The following CCDC158 variants were observed in gnomAD, a reference collection of about 807,000 sequenced individuals.
The protein encoded by CCDC158 is coiled-coil domain containing 158.
CCDC158 carries 116 observed loss-of-function variants against 138.6 expected under a neutral mutation model. The ratio of observed to expected loss-of-function variants is 0.84; its 90% CI spans 0.72 to 0.98. CCDC158 has a LOEUF of 0.98. Among genes scored for constraint, CCDC158 ranks in the 50% least tolerant of loss-of-function variants. The pLI is 0.00. For missense variants in CCDC158, 1,265 were observed against 1,306.1 expected (o/e 0.97, Z 0.48); for synonymous variants, 436 against 442.4 (o/e 0.99, Z 0.18).
At position 76,352,903 on chromosome 4, in the gene CCDC158, A is replaced by G. The variant is rs1723186366; in HGVS notation, c.2445+220T>C. The G allele has an allele frequency of 1.2e-5, 5 of 411,224 alleles. No individual in the cohort carries two copies. The Admixed American group carries it at 2.2e-4, about 18-fold the overall frequency. 25.5% of individuals were successfully genotyped at this position (411,224 alleles called of 1,614,324 possible). ...CTGCTCCTGTGACTATGTTAGCCTG[A>G]AAAAGAAAATTTGGCAAAAAGTATG... On this transcript the variant is annotated intron_variant, in intron 16 of 24. Transcript: ENST00000682701.
chr4:76,314,886 C>A (rs959340487), intron 24 of CCDC158, among the ~76,000 whole-genome samples: 1 of 152,150 alleles, frequency 6.6e-6, no homozygotes, highest in African/African-American at 2.4e-5. Context: ...TGAGCGGAAT[C>A]TGGGTGGTGA....
At chr4:76,318,996 G>C (rs1046337410) in intron 24 of CCDC158, among the ~76,000 whole-genome samples, 1 of 152,120 alleles carries the variant, frequency 6.6e-6, no homozygotes, top group African/African-American at 2.4e-5. Context: ...GGAGTGGCCA[G>C]GCGCGGTGGC....
In CCDC158 at chr4:76,331,409, G is replaced by A; in HGVS notation, c.2883-6C>T. ...CCCTCAACGAGTTGTTGCTTCTGTT[G>A]GTAGAGGGATGGGAGAAATCACAGT... On this transcript the variant is annotated splice_region_variant and splice_polypyrimidine_tract_variant and intron_variant, in intron 20 of 24. Transcript: ENST00000682701. 1.9e-6 allele frequency: 3 copies of A among 1,612,580 alleles called. No individual in the cohort carries two copies. The highest frequency in any genetic ancestry group is 2.5e-6 in the Non-Finnish European group (3 of 1,178,758).
chr4:76,392,031 T>G, intron 4 of CCDC158, among the ~76,000 whole-genome samples: 1 of 151,938 alleles, frequency 6.6e-6, no homozygotes, highest in East Asian at 1.9e-4. Flanking sequence ...GCTTCACTGC[T>G]GAATACCAAA....
chr4:76,325,764 G>T, intron 23 of CCDC158, 93 bp downstream of exon 23: 1 of 1,049,114 alleles, frequency 9.5e-7, no homozygotes, highest in Non-Finnish European at 1.4e-6. Context: ...CATAAGAGCA[G>T]CATGCAAAAC....
chr4:76,332,371 C>T (rs917245079), intron 20 of CCDC158, 61 bp downstream of exon 20: 74 of 1,385,882 alleles, frequency 5.3e-5, no homozygotes, highest in Non-Finnish European at 1.0e-5. Context: ...TCTCAAATTA[C>T]AAGGCCACAT....
At chr4:76,378,653 T>C (rs1181345002) in intron 9 of CCDC158, among the ~76,000 whole-genome samples, 1 of 151,424 alleles carries the variant, frequency 6.6e-6, no homozygotes, top group Non-Finnish European at 1.5e-5. Context: ...TCCTTGTTTG[T>C]TTTTTAGGGT....
intron 8 of CCDC158, among the ~76,000 whole-genome samples, chr4:76,380,243 C>T (rs545939126): frequency 7.7e-4 from 93 of 120,924 alleles, no homozygotes; most frequent in African/African-American, 2.5e-3. Flanking sequence ...GATCAGAAGA[C>T]AGAAAGACGA....
chr4:76,396,907 A>G (rs142645556), intron 3 of CCDC158, among the ~76,000 whole-genome samples: 53 of 152,304 alleles, frequency 3.5e-4, no homozygotes, highest in African/African-American at 1.3e-3. Flanking sequence ...ACCCCGAAGA[A>G]GCTCAAGGTC....
intron 8 of CCDC158, among the ~76,000 whole-genome samples, chr4:76,379,986 T>C (rs1420433156): frequency 6.6e-6 from 1 of 152,180 alleles, no homozygotes; most frequent in Non-Finnish European, 1.5e-5. Context: ...ATGTGTTTGC[T>C]TTCCCCATGA....
At chr4:76,379,734 C>T in intron 8 of CCDC158, among the ~76,000 whole-genome samples, 1 of 122,614 alleles carries the variant, frequency 8.2e-6, no homozygotes, top group African/African-American at 3.1e-5. Context: ...TATATATATT[C>T]ATATATATTA....
chr4:76,338,792 T>G (rs1340706579), intron 18 of CCDC158, among the ~76,000 whole-genome samples: 1 of 152,182 alleles, frequency 6.6e-6, no homozygotes, highest in Non-Finnish European at 1.5e-5. Context: ...ACCTCTTTCC[T>G]GCACTGCACA....
Position 76,325,919 on chromosome 4 carries a change from G to A in CCDC158, c.3107C>T (p.Ser1036Leu). ...TCTATACTGTGATGTGGAACCTATTGAACCTTCAACTGAACTAGTTAGGAG... is the reference window on the plus strand; with the variant it reads ...TCTATACTGTGATGTGGAACCTATTAAACCTTCAACTGAACTAGTTAGGAG... ...HSLLTSSVEG[S>L]IGSTSQYRSA... The change falls in exon 23 of 25, where the codon TCA becomes TTA. Residue 1036 changes from serine to leucine, a missense_variant. By Grantham distance (145) the Ser-to-Leu change is moderately radical. Transcript: ENST00000682701. The A allele has an allele frequency of 6.2e-7, 1 of 1,613,594 alleles. No individual in the cohort carries two copies. Among genetic ancestry groups the A allele is most frequent in the East Asian group, 2.2e-5 (1 of 44,850 alleles).
intron 18 of CCDC158, among the ~76,000 whole-genome samples, chr4:76,340,023 C>T (rs1325870191): frequency 6.6e-6 from 1 of 152,112 alleles, no homozygotes; most frequent in African/African-American, 2.4e-5. Flanking sequence ...AAAAAATCAC[C>T]ACTGGCAGCA....
chr4:76,385,224 C>T (rs888286353), intron 4 of CCDC158, among the ~76,000 whole-genome samples: 1 of 152,054 alleles, frequency 6.6e-6, no homozygotes, highest in South Asian at 2.1e-4. Context: ...AGAAAGTTTG[C>T]CATCAGATTT....
chr4:76,405,058 G>A (rs1728709249), intron 2 of CCDC158, among the ~76,000 whole-genome samples: 3 of 152,190 alleles, frequency 2.0e-5, no homozygotes, highest in African/African-American at 7.2e-5. Context: ...TCAGGGAAAA[G>A]TGATCAAGAA....
At chr4:76,401,026 A>C (rs1728325237) in intron 3 of CCDC158, among the ~76,000 whole-genome samples, 1 of 152,196 alleles carries the variant, frequency 6.6e-6, no homozygotes, top group South Asian at 2.1e-4. Flanking sequence ...CTTTAAAAAA[A>C]ACCCAGCGGT....
chr4:76,371,349 T>G (rs967371331), intron 10 of CCDC158, 68 bp downstream of exon 10: 9 of 1,477,190 alleles, frequency 6.1e-6, no homozygotes, highest in Non-Finnish European at 8.4e-6. Flanking sequence ...GGAAACGAGT[T>G]TTGTGATATA....
chr4:76,324,633 A>G (rs1720356277), intron 23 of CCDC158, among the ~76,000 whole-genome samples: 1 of 152,192 alleles, frequency 6.6e-6, no homozygotes. Context: ...TATTCCTGCA[A>G]TAACCACAGC....
Sources: gnomAD v4.1 joint callset for allele counts (sites outside exome capture counted in the v4.1 genomes callset) on GRCh38, gnomAD v4.1.1 for gene constraint, MANE v1.5 for transcripts, NCBI Gene and HGNC (gene_info 2026-07-23, HGNC 2026-07-21) for gene names.